DNER: variants seen among roughly 807,000 people sequenced by gnomAD.
DNER encodes the protein delta/notch like EGF repeat containing.
Under a neutral mutation model 78.2 loss-of-function variants are expected in DNER, and 33 were observed. The ratio of observed to expected loss-of-function variants is 0.42; its 90% CI spans 0.32 to 0.56. The LOEUF (loss-of-function observed/expected upper bound fraction) is 0.56, where lower values mean the gene tolerates loss of function less well. Ranked by LOEUF, DNER falls within the 20% of genes least tolerant of loss-of-function variation. The pLI is 0.11. For missense variants in DNER, 918 were observed against 975.3 expected (o/e 0.94, Z 0.78); for synonymous variants, 417 against 384.8 (o/e 1.08, Z -0.98).
chr2:229,536,998 G>T (rs569596222), intron 5 of DNER, among the ~76,000 whole-genome samples: 1 of 152,076 alleles, frequency 6.6e-6, no homozygotes, highest in Admixed American at 6.6e-5. Context: ...GGAAGAGAGG[G>T]GCTGAATCTT....
At chr2:229,413,312 TTTCTTCTTC>T (rs138821363) in intron 9 of DNER, among the ~76,000 whole-genome samples, 1 of 113,014 alleles carries the variant, frequency 8.8e-6, no homozygotes, top group African/African-American at 3.3e-5. Flanking sequence ...TCTTTTTCTT[TTTCTTCTTC>T]TTTTTTTTTT....
intron 6 of DNER, among the ~76,000 whole-genome samples, chr2:229,501,592 C>G (rs6736464): frequency 0.12 from 18,917 of 152,112 alleles, 1,301 homozygotes; most frequent in South Asian, 0.2. Context: ...AGACAACAAT[C>G]CTTCTGTGAA....
At chr2:229,514,251 C>G (rs1205677069) in intron 5 of DNER, among the ~76,000 whole-genome samples, 1 of 152,118 alleles carries the variant, frequency 6.6e-6, no homozygotes, top group Non-Finnish European at 1.5e-5. Flanking sequence ...TCACACTGAG[C>G]TTTTAGTACA....
chr2:229,681,827 AACACACAC>A (rs72248647), intron 1 of DNER, among the ~76,000 whole-genome samples: 26 of 144,446 alleles, frequency 1.8e-4, no homozygotes, highest in East Asian at 4.0e-4. Context: ...CTCTGCCTAA[AACACACAC>A]ACACACACAC....
At chr2:229,365,271 TG>T (rs2106325666) in intron 12 of DNER, among the ~76,000 whole-genome samples, 1 of 152,238 alleles carries the variant, frequency 6.6e-6, no homozygotes, top group African/African-American at 2.4e-5. Context: ...TTTGGAACTT[TG>T]GAAATGAGGA....
intron 1 of DNER, among the ~76,000 whole-genome samples, chr2:229,685,104 A>G (rs903030979): frequency 6.6e-6 from 1 of 152,212 alleles, no homozygotes; most frequent in Non-Finnish European, 1.5e-5. Context: ...TGGTCGTATA[A>G]TAATAACACA....
chr2:229,540,957 G>A (rs538978154), intron 5 of DNER, among the ~76,000 whole-genome samples: 95 of 152,316 alleles, frequency 6.2e-4, no homozygotes, highest in Non-Finnish European at 1.1e-3. Flanking sequence ...ATCAACATAG[G>A]CCAGAGCCAA....
intron 1 of DNER, among the ~76,000 whole-genome samples, chr2:229,666,478 T>A (rs1174508462): frequency 2.0e-5 from 3 of 152,140 alleles, no homozygotes. Context: ...GAGTTCTGAG[T>A]ACAAAAATTA....
chr2:229,643,765 A>G (rs1698668064), intron 1 of DNER, among the ~76,000 whole-genome samples: 1 of 152,158 alleles, frequency 6.6e-6, no homozygotes, highest in African/African-American at 2.4e-5. Context: ...ATGGAGCATC[A>G]TTTTTGCCAT....
At chr2:229,581,656 A>C (rs958991923) in intron 4 of DNER, among the ~76,000 whole-genome samples, 1 of 152,238 alleles carries the variant, frequency 6.6e-6, no homozygotes, top group African/African-American at 2.4e-5. Context: ...TCATGAAGGA[A>C]AACCATAAAG....
chr2:229,614,104 C>T (rs1000584611), intron 1 of DNER, among the ~76,000 whole-genome samples: 28 of 151,194 alleles, frequency 1.9e-4, no homozygotes, highest in Non-Finnish European at 3.8e-4. Flanking sequence ...GTGCAGCACA[C>T]CAACATGGCA....
At chr2:229,387,562 AGAAAGAAAAGAAAGAAG>A in intron 11 of DNER, among the ~76,000 whole-genome samples, 1 of 149,086 alleles carries the variant, frequency 6.7e-6, no homozygotes, top group African/African-American at 2.5e-5. Context: ...AAAGAAAGAA[AGAAAGAAAAGAAAGAAG>A]GAAGGAAGGA....
intron 4 of DNER, among the ~76,000 whole-genome samples, chr2:229,566,486 A>G (rs2154213901): frequency 6.6e-6 from 1 of 152,292 alleles, no homozygotes. Flanking sequence ...CCATGATTTG[A>G]GAGAAGAAAA....
chr2:229,677,797 T>G (rs887198098), intron 1 of DNER, among the ~76,000 whole-genome samples: 6 of 152,184 alleles, frequency 3.9e-5, no homozygotes, highest in African/African-American at 1.4e-4. Flanking sequence ...TATGTTTAAG[T>G]TTTTTGAAAG....
chr2:229,574,871 A>G (rs1697269994), intron 4 of DNER, among the ~76,000 whole-genome samples: 1 of 152,218 alleles, frequency 6.6e-6, no homozygotes. Flanking sequence ...AGGCAATTTA[A>G]AAAATTACTT....
At chr2:229,613,214 C>G (rs1364767954) in intron 1 of DNER, among the ~76,000 whole-genome samples, 2 of 152,122 alleles carry the variant, frequency 1.3e-5, no homozygotes, top group Non-Finnish European at 2.9e-5. Flanking sequence ...AGAAGTTTTG[C>G]TGGTAACAGA....
chr2:229,545,841 C>T (rs1007278141), intron 5 of DNER, among the ~76,000 whole-genome samples: 6 of 152,192 alleles, frequency 3.9e-5, no homozygotes, highest in African/African-American at 7.2e-5. Context: ...TGCCTCTTCT[C>T]GGTTTCTTCT....
intron 5 of DNER, among the ~76,000 whole-genome samples, chr2:229,544,586 C>G (rs572706466): frequency 0.019 from 2,906 of 149,736 alleles, 52 homozygotes; most frequent in Non-Finnish European, 0.031. Flanking sequence ...AGGCTGGAGG[C>G]CAATGGCACA....
intron 3 of DNER, 91 bp downstream of exon 3, chr2:229,588,303 G>A (rs535542649): frequency 1.6e-4 from 182 of 1,152,130 alleles, no homozygotes; most frequent in Non-Finnish European, 2.3e-4. Flanking sequence ...CACTTGACAG[G>A]CCACTTACAC....
Sources: gnomAD v4.1 joint callset for allele counts (sites outside exome capture counted in the v4.1 genomes callset) on GRCh38, gnomAD v4.1.1 for gene constraint, MANE v1.5 for transcripts, NCBI Gene and HGNC (gene_info 2026-07-23, HGNC 2026-07-21) for gene names.